The following ARL5A variants were observed in gnomAD, a reference collection of about 807,000 sequenced individuals.
ARL5A encodes ARF like GTPase 5A.
A neutral mutation model predicts 25.9 loss-of-function variants in ARL5A; 18 were observed. The ratio of observed to expected loss-of-function variants is 0.69; its 90% confidence interval spans 0.48 to 1.03. The LOEUF (loss-of-function observed/expected upper bound fraction) is 1.03. Among genes scored for constraint, ARL5A ranks in the 50% least tolerant of loss-of-function variants. ARL5A has a pLI of 0.00. For synonymous variants in ARL5A, 61 were observed against 67.5 expected (o/e 0.90, Z 0.47); for missense variants, 170 against 211.9 (o/e 0.80, Z 1.23).
At chr2:151,825,842 C>T (rs2099832983) in intron 1 of ARL5A, among the ~76,000 whole-genome samples, 2 of 151,844 alleles carry the variant, frequency 1.3e-5, no homozygotes, top group Admixed American at 6.6e-5. Flanking sequence ...AAAAACAACC[C>T]TGCTGGGCAC....
intron 5 of ARL5A, among the ~76,000 whole-genome samples, chr2:151,804,906 CAG>C (rs1189580684): frequency 6.6e-6 from 1 of 152,078 alleles, no homozygotes; most frequent in Non-Finnish European, 1.5e-5. Flanking sequence ...AAAAGAAAAA[CAG>C]AACATTTCTC....
At position 151,803,026 on chromosome 2, in the gene ARL5A, T is replaced by C. The variant is rs538933102; in HGVS notation, c.*250A>G. 20 of 458,952 alleles carry C rather than the reference T, an allele frequency of 4.4e-5. No individual in the cohort carries two copies. The East Asian group carries it at 7.3e-4, about 17-fold the overall frequency. 28.4% of individuals were successfully genotyped at this position (458,952 alleles called of 1,614,324 possible). A position where few individuals can be genotyped will look rare whatever the true frequency, so the allele number is the denominator to read the frequency against. ...ACTTACCATAGGCTACACAATGTCC[T>C]GAGAGGATTCATTATGAGAAAAATG... On this transcript the variant is annotated 3_prime_UTR_variant, in exon 6 of 6. Coordinates refer to ENST00000295087, the MANE Select transcript of ARL5A (RefSeq NM_012097.4).
chr2:151,809,918 C>T (rs950811405), intron 4 of ARL5A, among the ~76,000 whole-genome samples: 1 of 152,098 alleles, frequency 6.6e-6, no homozygotes, highest in African/African-American at 2.4e-5. Flanking sequence ...CCCGTCTCTA[C>T]TAAAAATATA....
rs1401585040 is a variant in ARL5A at position 151,803,214 on chromosome 2, A to T, written c.*62T>A. ...ATATATCTAAACCATTAATTTTTGC[A>T]GCTTTCAGGTAAAGTCCAGCACTTC... On this transcript the variant is annotated 3_prime_UTR_variant, in exon 6 of 6. Coordinates refer to ENST00000295087, the MANE Select transcript of ARL5A (RefSeq NM_012097.4). 6 of 1,223,744 alleles carry T rather than the reference A, an allele frequency of 4.9e-6. No individual in the cohort carries two copies. Among genetic ancestry groups the T allele is most frequent in the Non-Finnish European group, 7.1e-6 (6 of 849,368 alleles). 75.8% of individuals were successfully genotyped at this position (1,223,744 alleles called of 1,614,324 possible).
At position 151,801,480 on chromosome 2, in the gene ARL5A, A is replaced by G. The variant is rs2099829407; in HGVS notation, c.*1796T>C. The stretch of plus-strand genomic sequence containing the variant: ...GGAGATTTTTAATAGATAACAAGTA[A>G]TTCTTTATAGGGATTTGAGAAAGTA... On this transcript the variant is annotated 3_prime_UTR_variant, in exon 6 of 6. Coordinates refer to ENST00000295087, the MANE Select transcript of ARL5A (RefSeq NM_012097.4). The G allele has an allele frequency of 1.3e-5, 2 of 152,184 alleles. No individual in the cohort carries two copies. The highest frequency in any genetic ancestry group is 4.8e-5 in the African/African-American group (2 of 41,470). The allele number at this position is 152,184 out of a possible 1,614,324, so 9.4% of individuals were successfully genotyped here. A position where few individuals can be genotyped will look rare whatever the true frequency, so the allele number is the denominator to read the frequency against.
At chr2:151,820,180 T>C (rs2099832082) in intron 1 of ARL5A, among the ~76,000 whole-genome samples, 1 of 152,182 alleles carries the variant, frequency 6.6e-6, no homozygotes, top group African/African-American at 2.4e-5. Context: ...AGGTTAACAG[T>C]TTCAAGATGC....
intron 5 of ARL5A, among the ~76,000 whole-genome samples, chr2:151,804,268 C>G (rs1471218601): frequency 6.6e-6 from 1 of 151,802 alleles, no homozygotes; most frequent in Non-Finnish European, 1.5e-5. Context: ...TGAACATAAC[C>G]CAAAATATAG....
chr2:151,818,600 C>A (rs1409432549), intron 1 of ARL5A, among the ~76,000 whole-genome samples: 1 of 152,162 alleles, frequency 6.6e-6, no homozygotes, highest in East Asian at 1.9e-4. Flanking sequence ...AGAGCAAGGC[C>A]ATGCCTGCAT....
At chr2:151,821,726 G>A (rs1418092724) in intron 1 of ARL5A, among the ~76,000 whole-genome samples, 1 of 148,880 alleles carries the variant, frequency 6.7e-6, no homozygotes, top group Non-Finnish European at 1.5e-5. Flanking sequence ...TCCTGCCTCA[G>A]CCTCTCAAGC....
chr2:151,805,836 G>A (rs1374480024), intron 5 of ARL5A, among the ~76,000 whole-genome samples: 1 of 152,118 alleles, frequency 6.6e-6, no homozygotes, highest in African/African-American at 2.4e-5. Flanking sequence ...TAGGGTGCAT[G>A]ACTATATATA....
At chr2:151,811,683 C>T (rs1578374941) in intron 4 of ARL5A, among the ~76,000 whole-genome samples, 1 of 152,142 alleles carries the variant, frequency 6.6e-6, no homozygotes, top group Non-Finnish European at 1.5e-5. Context: ...GCGATCTACT[C>T]GCCTCAGTCT....
intron 4 of ARL5A, among the ~76,000 whole-genome samples, chr2:151,811,739 T>G (rs2099830873): frequency 6.6e-6 from 1 of 152,018 alleles, no homozygotes; most frequent in Non-Finnish European, 1.5e-5. Flanking sequence ...ACCTGGCTAA[T>G]TTTGTTTATT....
chr2:151,824,400 T>C (rs2099832747), intron 1 of ARL5A, among the ~76,000 whole-genome samples: 1 of 152,192 alleles, frequency 6.6e-6, no homozygotes, highest in South Asian at 2.1e-4. Context: ...GAGGAGCATC[T>C]GTATTAGAAG....
chr2:151,825,812 T>C (rs2099832975), intron 1 of ARL5A, among the ~76,000 whole-genome samples: 1 of 150,538 alleles, frequency 6.6e-6, no homozygotes, highest in Non-Finnish European at 1.5e-5. Context: ...AACTTATATA[T>C]GTCCTATACA....
chr2:151,824,532 T>C (rs1415365025), intron 1 of ARL5A, among the ~76,000 whole-genome samples: 1 of 151,156 alleles, frequency 6.6e-6, no homozygotes, highest in Non-Finnish European at 1.5e-5. Context: ...GAAACAGAGG[T>C]GGCTTCCTCA....
At chr2:151,820,932 A>G (rs559851690) in intron 1 of ARL5A, among the ~76,000 whole-genome samples, 2 of 152,146 alleles carry the variant, frequency 1.3e-5, no homozygotes, top group African/African-American at 4.8e-5. Flanking sequence ...CAAGGTCTGA[A>G]GCTTTGGAGG....
intron 1 of ARL5A, among the ~76,000 whole-genome samples, chr2:151,817,773 C>T (rs1418816705): frequency 1.3e-5 from 2 of 151,952 alleles, no homozygotes; most frequent in Non-Finnish European, 2.9e-5. Flanking sequence ...AGGCTGAGGC[C>T]GTCGGGTGGA....
At chr2:151,821,161 G>A (rs981007110) in intron 1 of ARL5A, among the ~76,000 whole-genome samples, 1 of 152,014 alleles carries the variant, frequency 6.6e-6, no homozygotes. Context: ...CTTTGCTCAT[G>A]CCATTCTCCA....
Position 151,805,946 on chromosome 2 carries a change from T to C in ARL5A, c.491+875A>G, listed in dbSNP as rs541734711. 2.0e-5 allele frequency among the ~76,000 whole-genome samples: 3 copies of C among 152,206 alleles called. No individual in the cohort carries two copies. In the East Asian group the frequency reaches 5.8e-4, roughly 29 times the overall value. On this transcript the variant is annotated intron_variant, in intron 5 of 5. Transcript: ENST00000295087. The stretch of plus-strand genomic sequence containing the variant: ...TATTTCCAACCTCCTCTATTTTATC[T>C]TTCCTTCCTCTTCTTGCCACACTCT...
Sources: allele counts gnomAD v4.1 joint callset (sites outside exome capture counted in the v4.1 genomes callset), GRCh38; gene constraint gnomAD v4.1.1; transcripts MANE v1.5; gene names NCBI Gene and HGNC (gene_info 2026-07-23, HGNC 2026-07-21).